The following CAMKMT variants were observed in gnomAD, a reference collection of about 807,000 sequenced individuals.
The protein encoded by CAMKMT is CaM KMT.
Under a neutral mutation model 48.0 loss-of-function variants are expected in CAMKMT, and 53 were observed. The ratio of observed to expected loss-of-function variants is 1.10; its 90% CI spans 0.89 to 1.39. CAMKMT has a LOEUF of 1.39. Among genes scored for constraint, CAMKMT ranks in the 40% most tolerant of loss-of-function variants. The probability of loss-of-function intolerance (pLI) is 0.00; values close to 1 mark genes in which losing one functional copy is unlikely to be tolerated. For synonymous variants in CAMKMT, 165 were observed against 152.3 expected (o/e 1.08, Z -0.61); for missense variants, 428 against 402.7 (o/e 1.06, Z -0.54).
chr2:44,570,937 A>G (rs1668867949), intron 3 of CAMKMT, among the ~76,000 whole-genome samples: 1 of 152,200 alleles, frequency 6.6e-6, no homozygotes, highest in Admixed American at 6.5e-5. Context: ...TCGTTCTTTT[A>G]GACAGGCACT....
intron 7 of CAMKMT, among the ~76,000 whole-genome samples, chr2:44,716,913 G>C (rs534949465): frequency 6.6e-6 from 1 of 152,234 alleles, no homozygotes; most frequent in East Asian, 1.9e-4. Flanking sequence ...AAGACATAAT[G>C]TTGTTTACTG....
chr2:44,675,187 C>T (rs944421851), intron 3 of CAMKMT, among the ~76,000 whole-genome samples: 1 of 152,116 alleles, frequency 6.6e-6, no homozygotes, highest in Non-Finnish European at 1.5e-5. Context: ...CCCCTAACCT[C>T]TTGGAAAAGG....
At chr2:44,738,958 A>G (rs755803288) in intron 7 of CAMKMT, among the ~76,000 whole-genome samples, 6 of 152,128 alleles carry the variant, frequency 3.9e-5, no homozygotes, top group Non-Finnish European at 8.8e-5. Context: ...CAGTATTAAG[A>G]CCCTAGAACA....
chr2:44,505,968 A>G (rs1403885589), intron 3 of CAMKMT, among the ~76,000 whole-genome samples: 1 of 151,926 alleles, frequency 6.6e-6, no homozygotes, highest in African/African-American at 2.4e-5. Flanking sequence ...CTCGGGTTCA[A>G]GCATCCTCCC....
chr2:44,380,255 C>T (rs761748041), intron 2 of CAMKMT, among the ~76,000 whole-genome samples: 1 of 151,890 alleles, frequency 6.6e-6, no homozygotes, highest in African/African-American at 2.4e-5. Context: ...TGGTTTGGCC[C>T]TGGGGAGAAG....
At chr2:44,465,608 G>A (rs1668072528) in intron 3 of CAMKMT, among the ~76,000 whole-genome samples, 1 of 151,368 alleles carries the variant, frequency 6.6e-6, no homozygotes, top group African/African-American at 2.4e-5. Context: ...AAGGGAGACA[G>A]CAAGAGAGAA....
At chr2:44,445,688 T>G (rs1319837923) in intron 3 of CAMKMT, among the ~76,000 whole-genome samples, 1 of 79,550 alleles carries the variant, frequency 1.3e-5, no homozygotes, top group African/African-American at 4.7e-5. Context: ...TTTTTTTTTT[T>G]TTTTTACCAG....
Position 44,554,472 on chromosome 2 carries a change from A to T in CAMKMT, c.377-149811A>T, listed in dbSNP as rs563544612. ...AAATATTCGCCGGGCACAGTGGCTC[A>T]TGCCTGTAATCCTGACAGTTCAGGA... On this transcript the variant is annotated intron_variant, in intron 3 of 10. Transcript: ENST00000378494. Among the ~76,000 whole-genome samples the T allele has an allele frequency of 5.9e-5, 9 of 152,306 alleles. No homozygotes were observed. The South Asian group carries it at 1.0e-3, about 18-fold the overall frequency.
At chr2:44,702,540 T>C (rs573980998) in intron 3 of CAMKMT, among the ~76,000 whole-genome samples, 44 of 152,334 alleles carry the variant, frequency 2.9e-4, no homozygotes, top group African/African-American at 9.9e-4. Flanking sequence ...ATGAGGAGCA[T>C]GAGGGATAGG....
At chr2:44,592,697 A>G (rs962058533) in intron 3 of CAMKMT, among the ~76,000 whole-genome samples, 1 of 152,238 alleles carries the variant, frequency 6.6e-6, no homozygotes, top group Admixed American at 6.5e-5. Flanking sequence ...TACAGGGTTC[A>G]GTCCTATCTG....
At chr2:44,363,741 G>C (rs901056630) in intron 1 of CAMKMT, among the ~76,000 whole-genome samples, 1 of 146,850 alleles carries the variant, frequency 6.8e-6, no homozygotes, top group Non-Finnish European at 1.5e-5. Context: ...CCAGACGTGA[G>C]TGCAATGGCG....
At chr2:44,513,082 G>C (rs1024332906) in intron 3 of CAMKMT, among the ~76,000 whole-genome samples, 6 of 152,168 alleles carry the variant, frequency 3.9e-5, no homozygotes, top group African/African-American at 1.4e-4. Context: ...TTGGTAATTT[G>C]CTGTATGTGT....
At chr2:44,705,868 A>T (rs1471022377) in intron 4 of CAMKMT, among the ~76,000 whole-genome samples, 1 of 152,190 alleles carries the variant, frequency 6.6e-6, no homozygotes, top group Non-Finnish European at 1.5e-5. Context: ...AGGTATATAC[A>T]CACTCATATA....
At chr2:44,762,247 G>C (rs531744808) in intron 9 of CAMKMT, among the ~76,000 whole-genome samples, 1 of 152,312 alleles carries the variant, frequency 6.6e-6, no homozygotes, top group Non-Finnish European at 1.5e-5. Flanking sequence ...CAACACTTTG[G>C]GAGACCAAGG....
chr2:44,541,779 A>G (rs1359162817), intron 3 of CAMKMT, among the ~76,000 whole-genome samples: 2 of 151,904 alleles, frequency 1.3e-5, no homozygotes, highest in African/African-American at 4.8e-5. Context: ...TCAAAAAAAA[A>G]AAAAAAAGGA....
At chr2:44,750,647 C>G (rs984382601) in intron 8 of CAMKMT, among the ~76,000 whole-genome samples, 1 of 152,218 alleles carries the variant, frequency 6.6e-6, no homozygotes, top group Non-Finnish European at 1.5e-5. Context: ...CACGGCTGTT[C>G]TTCCCCAGGA....
intron 3 of CAMKMT, among the ~76,000 whole-genome samples, chr2:44,497,549 A>G (rs183335268): frequency 2.2e-4 from 34 of 152,290 alleles, no homozygotes; most frequent in Middle Eastern, 3.4e-3. Flanking sequence ...TAGTAAAGAT[A>G]CACCTGAAAG....
chr2:44,562,511 G>A (rs1206213719), intron 3 of CAMKMT, among the ~76,000 whole-genome samples: 1 of 152,108 alleles, frequency 6.6e-6, no homozygotes, highest in Non-Finnish European at 1.5e-5. Context: ...GCTTAGAGAG[G>A]TTGGGTAACT....
At chr2:44,572,440 T>G (rs1478012608) in intron 3 of CAMKMT, among the ~76,000 whole-genome samples, 1 of 152,224 alleles carries the variant, frequency 6.6e-6, no homozygotes, top group East Asian at 1.9e-4. Flanking sequence ...TTCATCTGTG[T>G]TGTAACGTGT....
Sources: allele counts gnomAD v4.1 joint callset (sites outside exome capture counted in the v4.1 genomes callset), GRCh38; gene constraint gnomAD v4.1.1; transcripts MANE v1.5; gene names NCBI Gene and HGNC (gene_info 2026-07-23, HGNC 2026-07-21).